The following GALNT13 variants were observed in gnomAD, a reference collection of about 807,000 sequenced individuals.
GALNT13 encodes the protein UDP-GalNAc:polypeptide N-acetylgalactosaminyltransferase 13.
Under a neutral mutation model 64.2 loss-of-function variants are expected in GALNT13, and 28 were observed. The observed-to-expected ratio is 0.44, with a 90% CI of 0.32 to 0.60. The LOEUF (loss-of-function observed/expected upper bound fraction) is 0.60. GALNT13 is among the 20% of genes least tolerant of loss of function. GALNT13 has a pLI of 0.05. For missense variants in GALNT13, 577 were observed against 669.8 expected (o/e 0.86, Z 1.53); for synonymous variants, 214 against 224.6 (o/e 0.95, Z 0.42).
chr2:153,389,020 G>C, the GALNT13 span, among the ~76,000 whole-genome samples: 1 of 152,064 alleles, frequency 6.6e-6, no homozygotes, highest in Non-Finnish European at 1.5e-5. Flanking sequence ...AAATGAGTTA[G>C]ATCTGCCGCA....
chr2:153,666,770 C>G, the GALNT13 span, among the ~76,000 whole-genome samples: 1 of 152,140 alleles, frequency 6.6e-6, no homozygotes, highest in Non-Finnish European at 1.5e-5. Flanking sequence ...GTCTCCTTAC[C>G]TCCCAATGAC....
the GALNT13 span, among the ~76,000 whole-genome samples, chr2:153,624,639 G>T: frequency 1.3e-5 from 2 of 152,034 alleles, no homozygotes; most frequent in Non-Finnish European, 2.9e-5. Flanking sequence ...TAGTGTAAGA[G>T]AAACTTTTGA....
chr2:153,642,057 C>G, the GALNT13 span, among the ~76,000 whole-genome samples: 1 of 151,886 alleles, frequency 6.6e-6, no homozygotes, highest in Non-Finnish European at 1.5e-5. Flanking sequence ...GATTAGGTTA[C>G]TGTGTCTAGG....
chr2:154,259,173 C>A, intron 8 of GALNT13, 35 bp downstream of exon 8: 1 of 1,161,916 alleles, frequency 8.6e-7, no homozygotes, highest in Non-Finnish European at 1.3e-6. Context: ...TGATGCTGAA[C>A]ATACAATGCT....
At chr2:153,634,523 A>G in the GALNT13 span, among the ~76,000 whole-genome samples, 1 of 137,552 alleles carries the variant, frequency 7.3e-6, no homozygotes, top group Non-Finnish European at 1.6e-5. Flanking sequence ...ACTTTTGATG[A>G]TTGAAAAAAG....
intron 4 of GALNT13, among the ~76,000 whole-genome samples, chr2:154,169,178 A>G (rs1027863883): frequency 1.3e-5 from 2 of 152,146 alleles, no homozygotes; most frequent in African/African-American, 4.8e-5. Flanking sequence ...AACATCTCCC[A>G]TTAGGCCTAC....
intron 4 of GALNT13, among the ~76,000 whole-genome samples, chr2:154,225,122 A>AGAT (rs1553499053): frequency 1.4e-5 from 2 of 141,184 alleles, no homozygotes; most frequent in African/African-American, 5.3e-5. Flanking sequence ...ATAGATAGAT[A>AGAT]GATAGATAGA....
chr2:154,345,122 T>C (rs957294365), intron 9 of GALNT13, among the ~76,000 whole-genome samples: 1 of 152,052 alleles, frequency 6.6e-6, no homozygotes, highest in African/African-American at 2.4e-5. Context: ...ATCTCCTAAA[T>C]AAGGCTTTGA....
chr2:153,623,387 T>C, the GALNT13 span, among the ~76,000 whole-genome samples: 1 of 152,108 alleles, frequency 6.6e-6, no homozygotes, highest in Admixed American at 6.6e-5. Context: ...GTAGTTTTGG[T>C]GGTGTTTCCT....
At chr2:154,076,451 T>C (rs1574459029) in intron 3 of GALNT13, among the ~76,000 whole-genome samples, 1 of 151,662 alleles carries the variant, frequency 6.6e-6, no homozygotes, top group East Asian at 1.9e-4. Context: ...AAAACTGAGA[T>C]ACAGAGAGTT....
intron 3 of GALNT13, among the ~76,000 whole-genome samples, chr2:154,017,370 A>G (rs1344936161): frequency 6.6e-6 from 1 of 152,156 alleles, no homozygotes; most frequent in African/African-American, 2.4e-5. Flanking sequence ...TGGAGCCATA[A>G]TGTCCTCATT....
chr2:154,153,341 G>T (rs1426994274), intron 4 of GALNT13, among the ~76,000 whole-genome samples: 6 of 152,158 alleles, frequency 3.9e-5, no homozygotes, highest in Non-Finnish European at 8.8e-5. Context: ...TGCCCCTACT[G>T]GGGGGTGCCT....
chr2:154,032,756 AC>A (rs1362106978), intron 3 of GALNT13, among the ~76,000 whole-genome samples: 1 of 151,862 alleles, frequency 6.6e-6, no homozygotes, highest in Non-Finnish European at 1.5e-5. Context: ...TAATTCGTTA[AC>A]CTTAAATAAG....
chr2:153,531,954 C>T, the GALNT13 span, among the ~76,000 whole-genome samples: 28 of 152,290 alleles, frequency 1.8e-4, no homozygotes, highest in South Asian at 5.8e-3. Flanking sequence ...TGCCCTGTGG[C>T]TTCTCTCAAG....
At chr2:153,119,447 G>A in the GALNT13 span, among the ~76,000 whole-genome samples, 1 of 152,270 alleles carries the variant, frequency 6.6e-6, no homozygotes, top group Admixed American at 6.5e-5. Context: ...TTATTGAAAA[G>A]TAGTTTCTAG....
chr2:154,244,950 G>T (rs1390153644), intron 6 of GALNT13, among the ~76,000 whole-genome samples: 3 of 151,766 alleles, frequency 2.0e-5, no homozygotes, highest in Non-Finnish European at 4.4e-5. Flanking sequence ...GTGAAACTCT[G>T]TCTCTGCTAA....
chr2:154,415,479 C>A (rs570331059), intron 11 of GALNT13, among the ~76,000 whole-genome samples: 1 of 151,962 alleles, frequency 6.6e-6, no homozygotes, highest in Non-Finnish European at 1.5e-5. Context: ...TAATTTATTG[C>A]GGTAAATGAT....
chr2:153,326,130 C>T, the GALNT13 span, among the ~76,000 whole-genome samples: 1 of 152,204 alleles, frequency 6.6e-6, no homozygotes, highest in East Asian at 1.9e-4. Context: ...TTGTAGGTCT[C>T]CAAGAACTTG....
intron 9 of GALNT13, among the ~76,000 whole-genome samples, chr2:154,368,091 A>C (rs972700526): frequency 6.6e-6 from 1 of 152,180 alleles, no homozygotes; most frequent in Non-Finnish European, 1.5e-5. Context: ...TAGAATAAAC[A>C]TCTATATATA....
Sources: allele counts gnomAD v4.1 joint callset (sites outside exome capture counted in the v4.1 genomes callset), GRCh38; gene constraint gnomAD v4.1.1; transcripts MANE v1.5; gene names NCBI Gene and HGNC (gene_info 2026-07-23, HGNC 2026-07-21).